The following TERT variants were observed in gnomAD, a reference collection of about 807,000 sequenced individuals.
TERT encodes telomerase catalytic subunit.
A neutral mutation model predicts 104.0 loss-of-function variants in TERT; 42 were observed. The ratio of observed to expected loss-of-function variants is 0.40; its 90% CI spans 0.32 to 0.52. TERT has a LOEUF of 0.52. Among genes scored for constraint, TERT ranks in the 20% least tolerant of loss-of-function variants. The pLI is 0.43. For synonymous variants in TERT, 781 were observed against 725.6 expected (o/e 1.08, Z -1.23); for missense variants, 1,101 against 1,610.3 (o/e 0.68, Z 5.41).
chr5:1,294,507 C>T lies in TERT; in HGVS notation c.379G>A (p.Val127Met). ...TSVRSYLPNT[V>M]TDALRGSGAW... is the part of the protein sequence containing the mutation. ...CCGCTCCCCCGCAGTGCGTCGGTCA[C>T]CGTGTTGGGCAGGTAGCTGCGCACG... Residue 127 changes from valine (V) to methionine (M), a missense_variant, in exon 2 of 16, where the codon GTG (valine) becomes ATG (methionine). Transcript: ENST00000310581. 1 of 1,582,934 alleles carries T rather than the reference C, an allele frequency of 6.3e-7. No homozygotes were observed. Among genetic ancestry groups the T allele is most frequent in the Non-Finnish European group, 8.5e-7 (1 of 1,172,382 alleles).
chr5:1,273,436 CCA>C (rs1186182694), intron 6 of TERT, among the ~76,000 whole-genome samples: 1 of 66,980 alleles, frequency 1.5e-5, no homozygotes, highest in Non-Finnish European at 2.7e-5. Context: ...TCCACAGTCA[CCA>C]CACATCAGAC....
chr5:1,281,925 TA>T lies in TERT; in HGVS notation c.1769+503del, dbSNP rs1369338068. ...CAACATGGTGAAACCCCGTCTCTCC[TA>T]AAAGTACAAAAATTAGCCAGGCGTG... On this transcript the variant is annotated intron_variant, in intron 3 of 15. Transcript: ENST00000310581. Among the ~76,000 whole-genome samples, 3 of 152,170 alleles carry T rather than the reference TA, an allele frequency of 2.0e-5. No homozygotes were observed. The East Asian group carries it at 5.8e-4, about 29-fold the overall frequency.
In TERT at chr5:1,284,602, C is replaced by T. The variant is rs80276247; in HGVS notation, c.1574-1978G>A. Among the ~76,000 whole-genome samples, 1,493 of 142,800 alleles carry T rather than the reference C, an allele frequency of 0.01. 101 individuals are homozygous for T. The East Asian group carries it at 0.13, about 12-fold the overall frequency. 93.7% of individuals were successfully genotyped at this position (142,800 alleles called of 152,430 possible). On this transcript the variant is annotated intron_variant, in intron 2 of 15. Transcript: ENST00000310581. ...GGACCTGCACCATCTGGACACTGCA[C>T]ATCCAGCTCACCGAGGGCCTGGCGA... is the stretch of plus-strand genomic sequence containing the variant.
rs776656433 is a variant in TERT, at chr5:1,256,720, G to T, written c.3033-1309C>A. Among the ~76,000 whole-genome samples, 1 of 152,218 alleles carries T rather than the reference G, an allele frequency of 6.6e-6. No individual in the cohort carries two copies. The highest frequency in any genetic ancestry group is 1.5e-5 in the Non-Finnish European group (1 of 68,048). On this transcript the variant is annotated intron_variant, in intron 13 of 15. Transcript: ENST00000310581. This position sits in a 1 kb window ranked among gnomAD's most constrained non-coding sequence, Gnocchi z 7.0. ...TTAGCAACAACGGAAGCCAGGCCCA[G>T]AATGTTTTTAAACAAATAAATAAGC...
chr5:1,293,287 G>A (rs1192902093), intron 2 of TERT, 26 bp downstream of exon 2: 3 of 1,610,822 alleles, frequency 1.9e-6, no homozygotes, highest in Non-Finnish European at 2.5e-6. Flanking sequence ...TGGGGCCTGG[G>A]CCCTCGACGG....
Position 1,294,037 on chromosome 5 carries a change from G to C in TERT, c.849C>G (p.Thr283=), listed in dbSNP as rs760434389. The change falls in exon 2 of 16, where the codon ACC becomes ACG. Residue 283 remains threonine (T), a synonymous_variant. Coordinates refer to ENST00000310581, the MANE Select transcript of TERT (RefSeq NM_198253.3). ...VSPARPAEEA[T]SLEGALSGTR... ...TGCCAGAGAGCGCACCCTCCAAAGA[G>C]GTGGCTTCTTCGGCGGGTCTGGCAG... is the stretch of plus-strand genomic sequence containing the variant. 6.2e-7 allele frequency: 1 copy of C among 1,600,902 alleles called. No homozygotes were observed. Among genetic ancestry groups the C allele is most frequent in the Non-Finnish European group, 8.5e-7 (1 of 1,175,262 alleles).
Position 1,261,707 on chromosome 5 carries a change from T to A in TERT, c.2844-1107A>T, listed in dbSNP as rs987926705. Among the ~76,000 whole-genome samples, 1 of 152,192 alleles carries A rather than the reference T, an allele frequency of 6.6e-6. No homozygotes were observed. Among genetic ancestry groups the A allele is most frequent in the Non-Finnish European group, 1.5e-5 (1 of 68,022 alleles). Reference sequence around the variant, plus strand: ...GACCTTCCCAAGTGTGCATCAGACGTCCATTTCTTCTTTCACAGCCATCCC... The same window carrying A: ...GACCTTCCCAAGTGTGCATCAGACGACCATTTCTTCTTTCACAGCCATCCC... On this transcript the variant is annotated intron_variant, in intron 11 of 15. Coordinates refer to ENST00000310581, the MANE Select transcript of TERT (RefSeq NM_198253.3). The surrounding 1 kb of genome is among the most constrained non-coding windows in gnomAD (Gnocchi z 7.4).
At position 1,282,563 on chromosome 5, in the gene TERT, C is replaced by G; in HGVS notation, c.1635G>C (p.Leu545=). ...RLREEILAKF[L]HWLMSVYVVE... is the part of the protein sequence containing the mutation. ...CGACGTACACACTCATCAGCCAGTG[C>G]AGGAACTTGGCCAGGATCTCCTCAC... Residue 545 remains leucine (L), a synonymous_variant, in exon 3 of 16, where the codon CTG becomes CTC. Coordinates refer to ENST00000310581, the MANE Select transcript of TERT (RefSeq NM_198253.3). The G allele has an allele frequency of 6.2e-7, 1 of 1,614,128 alleles. No homozygotes were observed. The highest frequency in any genetic ancestry group is 8.5e-7 in the Non-Finnish European group (1 of 1,180,030).
rs2126595536 is a variant in TERT at position 1,264,607 on chromosome 5, C to T, written c.2655-15G>A. On this transcript the variant is annotated splice_polypyrimidine_tract_variant and intron_variant, in intron 10 of 15. Coordinates refer to ENST00000310581, the MANE Select transcript of TERT (RefSeq NM_198253.3). ...GGACCAGGGTCCTAAGGCAGAGGGGCAATGTCAGCCCCAGGATGCGGGGCC... is the reference window on the plus strand; with the variant it reads ...GGACCAGGGTCCTAAGGCAGAGGGGTAATGTCAGCCCCAGGATGCGGGGCC... 6.2e-7 allele frequency: 1 copy of T among 1,613,808 alleles called. No individual in the cohort carries two copies. Among genetic ancestry groups the T allele is most frequent in the Middle Eastern group, 1.6e-4 (1 of 6,062 alleles).
In TERT at chr5:1,260,458, C is replaced by T. The variant is rs563777532; in HGVS notation, c.2970+16G>A. On this transcript the variant is annotated intron_variant, in intron 12 of 15. Coordinates refer to ENST00000310581, the MANE Select transcript of TERT (RefSeq NM_198253.3). ...TCCTGAACTCTGAACTCTGTGCTGA[C>T]CATCAGCCTGCTCACCTGCAAATCC... 1.5e-5 allele frequency: 25 copies of T among 1,613,662 alleles called. No individual in the cohort carries two copies. The highest frequency in any genetic ancestry group is 2.0e-5 in the Non-Finnish European group (24 of 1,179,930).
Position 1,278,660 on chromosome 5 carries a change from C to T in TERT, c.2267G>A (p.Arg756His), listed in dbSNP as rs374206276. ...CCTTACGTGGCTCTTGAAGGCCTTG[C>T]GGACGTGCCCATGGGCGGCCTTCTG... Reference protein sequence around the residue: ...VVQKAAHGHVRKAFKSHVSTL... With the variant: ...VVQKAAHGHVHKAFKSHVSTL... The change falls in exon 6 of 16, where the codon CGC becomes CAC. Residue 756 changes from arginine to histidine, a missense_variant. Transcript: ENST00000310581. 35 of 1,614,030 alleles carry T rather than the reference C, an allele frequency of 2.2e-5. No individual in the cohort carries two copies. Among genetic ancestry groups the T allele is most frequent in the Non-Finnish European group, 2.6e-5 (31 of 1,180,050 alleles).
At position 1,256,930 on chromosome 5, in the gene TERT, C is replaced by T. The variant is rs1747786088; in HGVS notation, c.3033-1519G>A. Among the ~76,000 whole-genome samples, 1 of 152,148 alleles carries T rather than the reference C, an allele frequency of 6.6e-6. No homozygotes were observed. Among genetic ancestry groups the T allele is most frequent in the African/African-American group, 2.4e-5 (1 of 41,436 alleles). The stretch of plus-strand genomic sequence containing the variant: ...AGGCCGAGCCCCAGCGGATTTGAAT[C>T]AGACCCCGCCCCCAGCGCCACGTGG... On this transcript the variant is annotated intron_variant, in intron 13 of 15. Transcript: ENST00000310581. The surrounding 1 kb of genome is among the most constrained non-coding windows in gnomAD (Gnocchi z 7.0).
At position 1,293,347 on chromosome 5, in the gene TERT, G is replaced by A. The variant is rs1026564018; in HGVS notation, c.1539C>T (p.Ser513=). 1.9e-6 allele frequency: 3 copies of A among 1,613,264 alleles called. No homozygotes were observed. The highest frequency in any genetic ancestry group is 2.7e-5 in the African/African-American group (2 of 75,070). ...LSLQELTWKM[S]VRDCAWLRRS... is the part of the protein sequence containing the mutation. ...TGCGCAGCCAAGCGCAGTCCCGCAC[G>A]CTCATCTTCCACGTCAGCTCCTGCA... Residue 513 remains serine (S), a synonymous_variant, in exon 2 of 16, where the codon AGC becomes AGT. Coordinates refer to ENST00000310581, the MANE Select transcript of TERT (RefSeq NM_198253.3).
chr5:1,262,588 C>T lies in TERT; in HGVS notation c.2843+1816G>A, dbSNP rs1001884614. On this transcript the variant is annotated intron_variant, in intron 11 of 15. Coordinates refer to ENST00000310581, the MANE Select transcript of TERT (RefSeq NM_198253.3). This position sits in a 1 kb window ranked among gnomAD's most constrained non-coding sequence, Gnocchi z 5.6. ...TCCACTGCTGAGCTTTTAGAGCCAC[C>T]TCTGCAAGCACACACTCTGACCAAG... Among the ~76,000 whole-genome samples, 1 of 152,208 alleles carries T rather than the reference C, an allele frequency of 6.6e-6. No homozygotes were observed. The highest frequency in any genetic ancestry group is 6.5e-5 in the Admixed American group (1 of 15,276).
Position 1,294,115 on chromosome 5 carries a change from G to A in TERT, c.771C>T (p.Ala257=). 1 of 1,584,730 alleles carries A rather than the reference G, an allele frequency of 6.3e-7. No homozygotes were observed. The highest frequency in any genetic ancestry group is 8.6e-7 in the Non-Finnish European group (1 of 1,168,026). ...TCGGTCCACGCGTCCTGCCCGGGTG[G>A]GCCCAGGACCCCTGCCCAACGGGCG... ...ERTPVGQGSW[A]HPGRTRGPSD... Residue 257 remains alanine (A), a synonymous_variant, in exon 2 of 16, where the codon GCC becomes GCT. Coordinates refer to ENST00000310581, the MANE Select transcript of TERT (RefSeq NM_198253.3).
chr5:1,283,052 C>T (rs2126651806), intron 2 of TERT: 1 of 343,480 alleles, frequency 2.9e-6, no homozygotes, highest in Non-Finnish European at 5.7e-6. Context: ...GACCTCACGC[C>T]AGACCTGCAC....
At position 1,292,222 on chromosome 5, in the gene TERT, A is replaced by G. The variant is rs1262407134; in HGVS notation, c.1573+1091T>C. Among the ~76,000 whole-genome samples the G allele has an allele frequency of 6.6e-6, 1 of 152,030 alleles. No homozygotes were observed. Among genetic ancestry groups the G allele is most frequent in the Non-Finnish European group, 1.5e-5 (1 of 68,014 alleles). ...TGGGAGTTTGTGGGGAGGGGGTGAA[A>G]TCGGGACTTCTTCTAGCTGCCACGG... On this transcript the variant is annotated intron_variant, in intron 2 of 15. Transcript: ENST00000310581. This position sits in a 1 kb window ranked among gnomAD's most constrained non-coding sequence, Gnocchi z 5.5.
rs990291110 is a variant in TERT at position 1,262,709 on chromosome 5, G to T, written c.2843+1695C>A. 2.6e-5 allele frequency among the ~76,000 whole-genome samples: 4 copies of T among 152,216 alleles called. No homozygotes were observed. The highest frequency in any genetic ancestry group is 7.2e-5 in the African/African-American group (3 of 41,450). ...ACTAGCCTCTGTGGCTTTGCAATGT[G>T]TTTAGAGAGAACCCATTTTCCTGAT... On this transcript the variant is annotated intron_variant, in intron 11 of 15. Coordinates refer to ENST00000310581, the MANE Select transcript of TERT (RefSeq NM_198253.3). This position sits in a 1 kb window ranked among gnomAD's most constrained non-coding sequence, Gnocchi z 5.6.
rs78741832 is a variant in TERT, at chr5:1,274,215, T to C, written c.2287-1935A>G. ...GGGCTAAAACCACATCGAGTACGAT[T>C]CAACCCTGAGAACCAACCTGGAAGG... On this transcript the variant is annotated intron_variant, in intron 6 of 15. Coordinates refer to ENST00000310581, the MANE Select transcript of TERT (RefSeq NM_198253.3). The surrounding 1 kb of genome is among the most constrained non-coding windows in gnomAD (Gnocchi z 5.3). Among the ~76,000 whole-genome samples, 765 of 152,280 alleles carry C rather than the reference T, an allele frequency of 5.0e-3. 2 individuals carry two copies. Among genetic ancestry groups the C allele is most frequent in the Non-Finnish European group, 6.6e-3 (450 of 68,024 alleles).
Sources: allele counts gnomAD v4.1 joint callset (sites outside exome capture counted in the v4.1 genomes callset), GRCh38; gene constraint gnomAD v4.1.1; non-coding constraint Gnocchi (gnomAD v3.1); transcripts MANE v1.5; gene names NCBI Gene and HGNC (gene_info 2026-07-23, HGNC 2026-07-21).